SPOPL: variants seen among roughly 807,000 people sequenced by gnomAD.
SPOPL encodes the protein speckle-type POZ protein-like.
A neutral mutation model predicts 53.8 loss-of-function variants in SPOPL; 23 were observed. That is an observed-to-expected ratio of 0.43 (90% CI 0.31 to 0.61). SPOPL has a LOEUF of 0.61. Among genes scored for constraint, SPOPL ranks in the 20% least tolerant of loss-of-function variants. The probability of loss-of-function intolerance (pLI) is 0.12; values close to 1 mark genes in which losing one functional copy is unlikely to be tolerated. For missense variants in SPOPL, 442 were observed against 466.9 expected (o/e 0.95, Z 0.49); for synonymous variants, 164 against 149.7 (o/e 1.10, Z -0.70).
chr2:138,550,432 G>T (rs763608655), intron 2 of SPOPL, 51 bp from the exon 3 acceptor site: 29 of 1,595,198 alleles, frequency 1.8e-5, no homozygotes, highest in Non-Finnish European at 2.5e-5. Flanking sequence ...CATGTAACAA[G>T]TTAAAAGTAT....
intron 10 of SPOPL, 145 bp downstream of exon 10, chr2:138,565,138 C>T (rs1171001655): frequency 4.0e-6 from 4 of 992,968 alleles, no homozygotes; most frequent in Admixed American, 4.8e-5. Flanking sequence ...ACAAAGACTA[C>T]TTAGTGGATT....
rs1253920590 is a variant in SPOPL, at chr2:138,572,895, AAAG to A, written c.*3818_*3820del. ...TGCAGTATGTGAACTTTATGTTTGA[AAAG>A]AAATTATTATATTTAAATTTTTTTG... is the stretch of plus-strand genomic sequence containing the variant. On this transcript the variant is annotated 3_prime_UTR_variant, in exon 11 of 11. Transcript: ENST00000280098. 1.3e-5 allele frequency: 2 copies of A among 152,562 alleles called. No individual in the cohort carries two copies. Among genetic ancestry groups the A allele is most frequent in the African/African-American group, 2.4e-5 (1 of 41,440 alleles). 9.5% of individuals were successfully genotyped at this position (152,562 alleles called of 1,614,324 possible).
At chr2:138,513,183 C>A (rs1684364441) in intron 1 of SPOPL, among the ~76,000 whole-genome samples, 1 of 152,146 alleles carries the variant, frequency 6.6e-6, no homozygotes, top group African/African-American at 2.4e-5. Flanking sequence ...TTTGGGAGGC[C>A]AAGGCAGGAG....
In SPOPL at chr2:138,550,566, T is replaced by C. The variant is rs1449309144; in HGVS notation, c.162T>C (p.Ser54=). 6.2e-7 allele frequency: 1 copy of C among 1,610,400 alleles called. No homozygotes were observed. The highest frequency in any genetic ancestry group is 2.2e-5 in the East Asian group (1 of 44,788). The part of the protein sequence containing the change: ...CREEMGEVLK[S]STFSSGPSDK... ...AGGAAATGGGTGAAGTGTTAAAAAG[T>C]TCAACATTTTCATCTGGCCCAAGTG... The change falls in exon 3 of 11, where the codon AGT becomes AGC. Residue 54 remains serine, a synonymous_variant. Transcript: ENST00000280098.
At chr2:138,559,563 G>C (rs1685501419) in intron 7 of SPOPL, among the ~76,000 whole-genome samples, 1 of 152,122 alleles carries the variant, frequency 6.6e-6, no homozygotes, top group African/African-American at 2.4e-5. Context: ...CCTTCTGGTA[G>C]GTAAATTGGA....
At position 138,572,928 on chromosome 2, in the gene SPOPL, CAG is replaced by C. The variant is rs1475949823; in HGVS notation, c.*3851_*3852del. ...TATTATATTTAAATTTTTTTGTTGT[CAG>C]AGTTTATCATTGTATACTGTAACCC... On this transcript the variant is annotated 3_prime_UTR_variant, in exon 11 of 11. Transcript: ENST00000280098. 1 of 152,288 alleles carries C rather than the reference CAG, an allele frequency of 6.6e-6. No individual in the cohort carries two copies. The highest frequency in any genetic ancestry group is 1.5e-5 in the Non-Finnish European group (1 of 67,946). 9.4% of individuals were successfully genotyped at this position (152,288 alleles called of 1,614,324 possible).
chr2:138,554,458 A>G, intron 5 of SPOPL: 1 of 1,271,370 alleles, frequency 7.9e-7, no homozygotes, highest in South Asian at 1.3e-5. Flanking sequence ...CACTGCTTGC[A>G]GAAGAGGAGG....
intron 1 of SPOPL, among the ~76,000 whole-genome samples, chr2:138,506,175 TA>T (rs1573862905): frequency 6.6e-6 from 1 of 152,258 alleles, no homozygotes; most frequent in Non-Finnish European, 1.5e-5. Flanking sequence ...GAGGCAAGTG[TA>T]AATACAGGGA....
intron 5 of SPOPL, among the ~76,000 whole-genome samples, chr2:138,553,544 T>A (rs1397933062): frequency 6.6e-6 from 1 of 152,158 alleles, no homozygotes; most frequent in Non-Finnish European, 1.5e-5. Context: ...CATGGACAGA[T>A]GAGTGTCTTA....
At chr2:138,520,580 A>C (rs1243253618) in intron 1 of SPOPL, among the ~76,000 whole-genome samples, 1 of 152,224 alleles carries the variant, frequency 6.6e-6, no homozygotes, top group East Asian at 1.9e-4. Context: ...GAGCTAGTTC[A>C]AATTATGAGG....
At chr2:138,526,989 G>A (rs1684690193) in intron 1 of SPOPL, among the ~76,000 whole-genome samples, 1 of 152,128 alleles carries the variant, frequency 6.6e-6, no homozygotes, top group Non-Finnish European at 1.5e-5. Flanking sequence ...ACTTCCCAAA[G>A]TGCAGGGATT....
intron 1 of SPOPL, among the ~76,000 whole-genome samples, chr2:138,548,765 A>G (rs1573898881): frequency 6.6e-6 from 1 of 151,974 alleles, no homozygotes. Flanking sequence ...TTATTTTGTC[A>G]GGTTTTTTTA....
chr2:138,525,338 A>G (rs1684647517), intron 1 of SPOPL, among the ~76,000 whole-genome samples: 1 of 152,178 alleles, frequency 6.6e-6, no homozygotes, highest in African/African-American at 2.4e-5. Flanking sequence ...TCCTCCCACA[A>G]CACATGGGAA....
chr2:138,548,525 C>G (rs1432713775), intron 1 of SPOPL, among the ~76,000 whole-genome samples: 1 of 151,912 alleles, frequency 6.6e-6, no homozygotes, highest in Non-Finnish European at 1.5e-5. Flanking sequence ...TGCCTCTCCT[C>G]TTACACTCTC....
chr2:138,560,461 T>TG (rs1445891461), intron 7 of SPOPL, among the ~76,000 whole-genome samples: 1 of 151,982 alleles, frequency 6.6e-6, no homozygotes, highest in African/African-American at 2.4e-5. Flanking sequence ...TTTTTTTTTT[T>TG]TAACTTTTTA....
chr2:138,539,405 G>C (rs996079408), intron 1 of SPOPL, among the ~76,000 whole-genome samples: 1 of 151,960 alleles, frequency 6.6e-6, no homozygotes, highest in African/African-American at 2.4e-5. Flanking sequence ...ATCCTCTCCA[G>C]CACCTGTTGT....
At chr2:138,562,815 T>C (rs191395518) in intron 8 of SPOPL, among the ~76,000 whole-genome samples, 242 of 131,688 alleles carry the variant, frequency 1.8e-3, no homozygotes, top group African/African-American at 6.7e-3. Flanking sequence ...TAATGCAAAA[T>C]GGATCATAAA....
intron 8 of SPOPL, among the ~76,000 whole-genome samples, chr2:138,561,535 C>G (rs1255925540): frequency 2.0e-5 from 3 of 151,934 alleles, no homozygotes; most frequent in East Asian, 3.9e-4. Context: ...GTGTATGTGT[C>G]GATGGATGGT....
chr2:138,545,709 G>A (rs935431248), intron 1 of SPOPL, among the ~76,000 whole-genome samples: 7 of 152,188 alleles, frequency 4.6e-5, no homozygotes, highest in African/African-American at 1.7e-4. Flanking sequence ...AAAGTGCTGG[G>A]ATTACAGGCG....
Sources: allele counts gnomAD v4.1 joint callset (sites outside exome capture counted in the v4.1 genomes callset), GRCh38; gene constraint gnomAD v4.1.1; transcripts MANE v1.5; gene names NCBI Gene and HGNC (gene_info 2026-07-23, HGNC 2026-07-21).